Variants in CNTN6 observed in about 807,000 individuals in gnomAD.
The protein encoded by CNTN6 is contactin 6.
CNTN6 carries 137 observed loss-of-function variants against 122.8 expected under a neutral mutation model. The observed-to-expected ratio is 1.12, with a 90% CI of 0.97 to 1.29. CNTN6 has a LOEUF of 1.29. Among genes scored for constraint, CNTN6 ranks in the 50% most tolerant of loss-of-function variants. The pLI is 0.00. For missense variants in CNTN6, 1,634 were observed against 1,223.4 expected (o/e 1.34, Z -5.01); for synonymous variants, 570 against 426.0 (o/e 1.34, Z -4.16).
At chr3:1,192,428 G>T (rs760603478) in intron 2 of CNTN6, among the ~76,000 whole-genome samples, 1 of 152,016 alleles carries the variant, frequency 6.6e-6, no homozygotes, top group Admixed American at 6.6e-5. Context: ...CATTCTGGTT[G>T]CAGGAAACTG....
chr3:1,287,158 C>T (rs1312208904), intron 5 of CNTN6, among the ~76,000 whole-genome samples: 1 of 152,124 alleles, frequency 6.6e-6, no homozygotes, highest in African/African-American at 2.4e-5. Context: ...ATTAGATCAA[C>T]AAGACAGAAA....
At chr3:1,312,804 T>G (rs1699572218) in intron 7 of CNTN6, among the ~76,000 whole-genome samples, 2 of 148,678 alleles carry the variant, frequency 1.3e-5, no homozygotes, top group South Asian at 4.2e-4. Context: ...CAGACTTTGG[T>G]TCAAATCCTT....
At chr3:1,160,914 AATTAT>A (rs1438763059) in intron 2 of CNTN6, among the ~76,000 whole-genome samples, 1 of 152,072 alleles carries the variant, frequency 6.6e-6, no homozygotes, top group Non-Finnish European at 1.5e-5. Context: ...CAATTAAAAT[AATTAT>A]ATTCAAAATT....
At chr3:1,367,860 C>T (rs1034074414) in intron 12 of CNTN6, among the ~76,000 whole-genome samples, 1 of 152,140 alleles carries the variant, frequency 6.6e-6, no homozygotes, top group South Asian at 2.1e-4. Context: ...CAGGAAGCGA[C>T]TTCAAAAGTA....
intron 4 of CNTN6, among the ~76,000 whole-genome samples, chr3:1,265,224 G>A (rs1207757915): frequency 6.6e-6 from 1 of 152,078 alleles, no homozygotes; most frequent in Non-Finnish European, 1.5e-5. Flanking sequence ...TATACAAGAA[G>A]TGGGATTGCT....
chr3:1,164,628 T>C (rs1203782372), intron 2 of CNTN6, among the ~76,000 whole-genome samples: 1 of 152,172 alleles, frequency 6.6e-6, no homozygotes, highest in East Asian at 1.9e-4. Context: ...AGAATGTGAT[T>C]AGGATACTGA....
At chr3:1,198,005 C>G (rs1212163226) in intron 2 of CNTN6, among the ~76,000 whole-genome samples, 2 of 152,080 alleles carry the variant, frequency 1.3e-5, no homozygotes, top group East Asian at 3.9e-4. Flanking sequence ...CAAAGACAGA[C>G]AAGCTTAGCT....
At chr3:1,114,282 C>T (rs73816472) in intron 1 of CNTN6, among the ~76,000 whole-genome samples, 1 of 152,112 alleles carries the variant, frequency 6.6e-6, no homozygotes, top group East Asian at 1.9e-4. Flanking sequence ...CCAGTGTGGG[C>T]CTCTTTCCTA....
chr3:1,100,584 G>A (rs754454191), intron 1 of CNTN6, among the ~76,000 whole-genome samples: 11 of 151,838 alleles, frequency 7.2e-5, no homozygotes, highest in Non-Finnish European at 1.2e-4. Flanking sequence ...TCAATCTTGC[G>A]TCTTTTAAAT....
At chr3:1,264,842 G>A (rs983798178) in intron 4 of CNTN6, among the ~76,000 whole-genome samples, 5 of 151,874 alleles carry the variant, frequency 3.3e-5, no homozygotes, top group African/African-American at 1.2e-4. Context: ...CGCACTGTTT[G>A]ACTAACATTT....
intron 2 of CNTN6, among the ~76,000 whole-genome samples, chr3:1,167,572 C>A (rs2093280190): frequency 6.9e-6 from 1 of 144,358 alleles, no homozygotes; most frequent in Admixed American, 7.1e-5. Flanking sequence ...CTTTTACACT[C>A]TTTTAATCTC....
At chr3:1,340,058 G>C (rs1703660412) in intron 11 of CNTN6, among the ~76,000 whole-genome samples, 2 of 152,030 alleles carry the variant, frequency 1.3e-5, no homozygotes, top group Admixed American at 6.6e-5. Context: ...ACCTATGAGA[G>C]GCATTTATTC....
At chr3:1,390,772 A>C (rs1694015437) in intron 20 of CNTN6, among the ~76,000 whole-genome samples, 1 of 151,748 alleles carries the variant, frequency 6.6e-6, no homozygotes, top group African/African-American at 2.4e-5. Flanking sequence ...AGAATACTAC[A>C]AACACCTCTA....
intron 1 of CNTN6, among the ~76,000 whole-genome samples, chr3:1,101,016 G>T (rs1299413234): frequency 6.6e-6 from 1 of 152,078 alleles, no homozygotes. Flanking sequence ...GACCAACCTT[G>T]TTTGAGTTGT....
intron 4 of CNTN6, among the ~76,000 whole-genome samples, chr3:1,268,248 G>A (rs2094957792): frequency 6.6e-6 from 1 of 152,130 alleles, no homozygotes; most frequent in South Asian, 2.1e-4. Context: ...AGCTTCCTAG[G>A]CAGTGAGGGT....
chr3:1,148,929 G>C (rs150344891), intron 2 of CNTN6, among the ~76,000 whole-genome samples: 77 of 152,226 alleles, frequency 5.1e-4, no homozygotes, highest in Non-Finnish European at 9.6e-4. Context: ...TGGCTGCTCA[G>C]GGTTCCAAGA....
chr3:1,347,027 C>A (rs1462881648), intron 11 of CNTN6, among the ~76,000 whole-genome samples: 9 of 152,130 alleles, frequency 5.9e-5, no homozygotes, highest in Non-Finnish European at 1.2e-4. Context: ...AATCTGCCTT[C>A]AACTTATCAG....
intron 1 of CNTN6, among the ~76,000 whole-genome samples, chr3:1,127,130 A>G (rs535885584): frequency 7.5e-4 from 114 of 151,800 alleles, no homozygotes; most frequent in African/African-American, 2.6e-3. Flanking sequence ...AGTGTTTACT[A>G]TTTCATTTAC....
chr3:1,279,244 T>G (rs939758291), intron 5 of CNTN6, among the ~76,000 whole-genome samples: 32 of 152,216 alleles, frequency 2.1e-4, no homozygotes, highest in African/African-American at 7.2e-4. Flanking sequence ...ACTTACTGAT[T>G]CTCATCCTCT....
Sources: gnomAD v4.1 joint callset for allele counts (sites outside exome capture counted in the v4.1 genomes callset) on GRCh38, gnomAD v4.1.1 for gene constraint, MANE v1.5 for transcripts, NCBI Gene and HGNC (gene_info 2026-07-23, HGNC 2026-07-21) for gene names.